The following B4GALT5 variants were observed in gnomAD, a reference collection of about 807,000 sequenced individuals.
B4GALT5 encodes UDP-Gal:beta-GlcNAc beta-1,4-galactosyltransferase 5.
In B4GALT5, 11 loss-of-function variants were observed where a neutral mutation model predicts 45.0. That is an observed-to-expected ratio of 0.24 (90% CI 0.15 to 0.40). The LOEUF (loss-of-function observed/expected upper bound fraction) is 0.40, where lower values mean the gene tolerates loss of function less well. Ranked by LOEUF, B4GALT5 falls within the 10% of genes least tolerant of loss-of-function variation. The probability of loss-of-function intolerance (pLI) is 1.00; values close to 1 mark genes in which losing one functional copy is unlikely to be tolerated. For missense variants in B4GALT5, 337 were observed against 500.2 expected, an observed-to-expected ratio of 0.67 and a Z score of 3.11; for synonymous variants, 185 against 182.9, an observed-to-expected ratio of 1.01 and a Z score of -0.09.
chr20:49,677,914 T>C (rs1414550454), intron 1 of B4GALT5, among the ~76,000 whole-genome samples: 1 of 152,140 alleles, frequency 6.6e-6, no homozygotes, highest in Admixed American at 6.5e-5. Flanking sequence ...CCCAGCTAAT[T>C]TTTGTATTTT....
chr20:49,646,907 G>A (rs994410947), intron 3 of B4GALT5, 58 bp downstream of exon 3: 3 of 1,046,916 alleles, frequency 2.9e-6, no homozygotes, highest in South Asian at 1.5e-5. Context: ...GAGATCAAGA[G>A]TGCCCTCCCC....
intron 1 of B4GALT5, among the ~76,000 whole-genome samples, chr20:49,696,661 T>A (rs949791006): frequency 2.0e-5 from 3 of 152,194 alleles, no homozygotes; most frequent in African/African-American, 7.2e-5. Context: ...AGGTGCAAAA[T>A]TTTCAAATAT....
chr20:49,666,704 A>C (rs1336596650), intron 1 of B4GALT5, among the ~76,000 whole-genome samples: 1 of 152,172 alleles, frequency 6.6e-6, no homozygotes, highest in Non-Finnish European at 1.5e-5. Flanking sequence ...TTAAGGAAAA[A>C]CAAAATGTGC....
At chr20:49,711,334 TCTA>T (rs2085910753) in intron 1 of B4GALT5, among the ~76,000 whole-genome samples, 1 of 152,156 alleles carries the variant, frequency 6.6e-6, no homozygotes, top group African/African-American at 2.4e-5. Context: ...GACCTAAAAA[TCTA>T]CTGTTGAGGA....
At chr20:49,684,601 A>AT (rs2085777903) in intron 1 of B4GALT5, 1 of 517,730 alleles carries the variant, frequency 1.9e-6, no homozygotes, top group Non-Finnish European at 3.9e-6. Context: ...AAGAGGCCAC[A>AT]TATCAAGGAC....
chr20:49,694,283 T>A (rs1012104154), intron 1 of B4GALT5, among the ~76,000 whole-genome samples: 23 of 152,148 alleles, frequency 1.5e-4, no homozygotes, highest in Admixed American at 1.4e-3. Context: ...GATTTGCGCA[T>A]CTATTTTTCT....
chr20:49,649,683 T>C (rs1260686702), intron 2 of B4GALT5, among the ~76,000 whole-genome samples: 6 of 152,188 alleles, frequency 3.9e-5, no homozygotes, highest in Non-Finnish European at 7.3e-5. Context: ...CTGGCCTGGG[T>C]TGAATCTTCT....
At chr20:49,668,189 T>C (rs2085700279) in intron 1 of B4GALT5, among the ~76,000 whole-genome samples, 1 of 152,164 alleles carries the variant, frequency 6.6e-6, no homozygotes, top group African/African-American at 2.4e-5. Flanking sequence ...AAGTCATTCG[T>C]AGGTTTCATT....
At position 49,713,685 on chromosome 20, in the gene B4GALT5, G is replaced by A; in HGVS notation, c.6C>T (p.Arg2=). Residue 2 remains arginine (R), a synonymous_variant, in exon 1 of 9, where the codon CGC becomes CGT. Coordinates refer to ENST00000371711, the MANE Select transcript of B4GALT5 (RefSeq NM_004776.4). ...GCAGCCGCAGCAGCCCCCGGCGGGC[G>A]CGCATGCTGCAGCCAGGCGGCCGCT... M[R]ARRGLLRLPR... 6.8e-7 allele frequency: 1 copy of A among 1,471,526 alleles called. No homozygotes were observed. Among genetic ancestry groups the A allele is most frequent in the South Asian group, 1.2e-5 (1 of 80,130 alleles). 91.2% of individuals were successfully genotyped at this position (1,471,526 alleles called of 1,614,324 possible).
chr20:49,704,629 G>C (rs2085876554), intron 1 of B4GALT5, among the ~76,000 whole-genome samples: 1 of 150,704 alleles, frequency 6.6e-6, no homozygotes, highest in Non-Finnish European at 1.5e-5. Context: ...TGAGGCAGGA[G>C]AATGGCGTGA....
intron 1 of B4GALT5, among the ~76,000 whole-genome samples, chr20:49,704,985 A>G (rs374319819): frequency 8.5e-5 from 13 of 152,096 alleles, no homozygotes; most frequent in African/African-American, 3.1e-4. Flanking sequence ...TTGCTTACTC[A>G]AACTAACAAA....
chr20:49,709,428 C>T (rs1015805332), intron 1 of B4GALT5, among the ~76,000 whole-genome samples: 1 of 152,176 alleles, frequency 6.6e-6, no homozygotes, highest in African/African-American at 2.4e-5. Context: ...TCCCAACCTT[C>T]TCCTTTTAAA....
rs781652137 is a variant in B4GALT5, at chr20:49,713,529, C to T, written c.115+47G>A. ...GGAGGGGCGGGGATTCCCCGGGTCC[C>T]TCAAGGCCAGAGCGGCAGCCGCCGC... On this transcript the variant is annotated intron_variant, in intron 1 of 8. Transcript: ENST00000371711. 26 of 1,535,206 alleles carry T rather than the reference C, an allele frequency of 1.7e-5. No individual in the cohort carries two copies. The African/African-American group carries it at 2.4e-4, about 14-fold the overall frequency.
chr20:49,694,308 C>A (rs1456843168), intron 1 of B4GALT5, among the ~76,000 whole-genome samples: 1 of 151,924 alleles, frequency 6.6e-6, no homozygotes, highest in Non-Finnish European at 1.5e-5. Flanking sequence ...CCAACTATAA[C>A]TTTTGAAAGT....
chr20:49,665,905 G>C (rs964910490), intron 1 of B4GALT5, among the ~76,000 whole-genome samples: 13 of 151,956 alleles, frequency 8.6e-5, no homozygotes, highest in African/African-American at 3.1e-4. Flanking sequence ...CATATGGCTG[G>C]AGCGAAGGTT....
At chr20:49,702,493 C>T (rs1351536315) in intron 1 of B4GALT5, among the ~76,000 whole-genome samples, 3 of 152,096 alleles carry the variant, frequency 2.0e-5, no homozygotes, top group African/African-American at 7.2e-5. Flanking sequence ...AAAAGACAAC[C>T]CACAGAATAG....
At chr20:49,642,630 T>C (rs1285792918) in intron 4 of B4GALT5, 46 bp from the exon 5 acceptor site, 2 of 1,383,564 alleles carry the variant, frequency 1.4e-6, no homozygotes, top group Non-Finnish European at 2.0e-6. Flanking sequence ...ACTCTCAGCT[T>C]TCACTCCTTA....
At chr20:49,669,582 G>C (rs1235754567) in intron 1 of B4GALT5, among the ~76,000 whole-genome samples, 1 of 151,444 alleles carries the variant, frequency 6.6e-6, no homozygotes, top group Non-Finnish European at 1.5e-5. Flanking sequence ...TGTAATCCCA[G>C]TTACTCGGGA....
rs535974379 is a variant in B4GALT5 at position 49,669,696 on chromosome 20, C to CAAA, written c.116-12997_116-12995dup. On this transcript the variant is annotated intron_variant, in intron 1 of 8. Coordinates refer to ENST00000371711, the MANE Select transcript of B4GALT5 (RefSeq NM_004776.4). ...GGGCAACAAGAGCGAAACTCCACCT[C>CAAA]AAAAAAAAAAAAAAAAAGAATTATA... Among the ~76,000 whole-genome samples the CAAA allele has an allele frequency of 1.2e-3, 115 of 94,800 alleles. 1 individual carries two copies. Among genetic ancestry groups the CAAA allele is most frequent in the African/African-American group, 4.3e-3 (109 of 25,210 alleles). 62.2% of individuals were successfully genotyped at this position (94,800 alleles called of 152,430 possible).
Sources: allele counts gnomAD v4.1 joint callset (sites outside exome capture counted in the v4.1 genomes callset), GRCh38; gene constraint gnomAD v4.1.1; transcripts MANE v1.5; gene names NCBI Gene and HGNC (gene_info 2026-07-23, HGNC 2026-07-21).